Variants in ABCA6 observed in about 807,000 individuals in gnomAD.
The protein encoded by ABCA6 is ATP-binding cassette sub-family A member 6.
A neutral mutation model predicts 191.2 loss-of-function variants in ABCA6; 164 were observed. The observed-to-expected ratio is 0.86, with a 90% CI of 0.76 to 0.98. The LOEUF is 0.98. Ranked by LOEUF, ABCA6 falls within the 50% of genes least tolerant of loss-of-function variation. The pLI is 0.00. For missense variants in ABCA6, 1,958 were observed against 1,894.1 expected, an observed-to-expected ratio of 1.03 and a Z score of -0.63; for synonymous variants, 636 against 647.7, an observed-to-expected ratio of 0.98 and a Z score of 0.27.
chr17:69,120,272 T>C (rs1339988472), intron 10 of ABCA6, among the ~76,000 whole-genome samples: 1 of 152,044 alleles, frequency 6.6e-6, no homozygotes, highest in African/African-American at 2.4e-5. Context: ...ATGACAATAA[T>C]GTTTATATCT....
intron 2 of ABCA6, 133 bp downstream of exon 2, chr17:69,140,475 C>T (rs556338433): frequency 1.4e-5 from 6 of 440,560 alleles, no homozygotes; most frequent in African/African-American, 8.1e-5. Flanking sequence ...CTCAATTCAA[C>T]AAATACAACT....
At chr17:69,113,085 C>T (rs1331564884) in intron 15 of ABCA6, 137 bp downstream of exon 15, 9 of 976,496 alleles carry the variant, frequency 9.2e-6, no homozygotes, top group Non-Finnish European at 1.2e-5. Context: ...TGGAACTAGA[C>T]TCCTGTCGTC....
rs2073801491 is a variant in ABCA6 at position 69,128,696 on chromosome 17, A to G, written c.1042T>C (p.Tyr348His). The change falls in exon 8 of 39, where the codon TAT (tyrosine) becomes CAT (histidine). Residue 348 changes from tyrosine (Y) to histidine (H), a missense_variant. Physicochemically the swap from Tyr to His is moderately conservative, Grantham distance 83. Transcript: ENST00000284425. Reference protein sequence around the residue: ...FWGCLGFTVFYEQLPSSLEWI... With the variant: ...FWGCLGFTVFHEQLPSSLEWI... Reference sequence around the variant, plus strand: ...TCCAGAGATGAAGGAAGTTGTTCATAAAATACAGTGAATCCCAGACATCCC... The same window carrying G: ...TCCAGAGATGAAGGAAGTTGTTCATGAAATACAGTGAATCCCAGACATCCC... 1 of 1,613,378 alleles carries G rather than the reference A, an allele frequency of 6.2e-7. No homozygotes were observed.
chr17:69,117,560 G>A (rs971588655), intron 11 of ABCA6, among the ~76,000 whole-genome samples: 4 of 151,792 alleles, frequency 2.6e-5, no homozygotes, highest in South Asian at 2.1e-4. Context: ...TAAATTCACC[G>A]GCTAGTATAA....
chr17:69,120,419 C>G (rs1387392429), intron 10 of ABCA6, among the ~76,000 whole-genome samples: 2 of 151,992 alleles, frequency 1.3e-5, no homozygotes, highest in Admixed American at 1.3e-4. Context: ...GACTAAATAA[C>G]AGTAGTTAAT....
At chr17:69,083,051 G>A (rs2072681257) in intron 35 of ABCA6, 38 bp from the exon 36 acceptor site, 1 of 1,603,030 alleles carries the variant, frequency 6.2e-7, no homozygotes, top group Admixed American at 1.7e-5. Flanking sequence ...AAAAAATATT[G>A]CCCTTAATTT....
chr17:69,115,355 G>A (rs2073517286), intron 12 of ABCA6, 21 bp downstream of exon 12: 1 of 1,575,156 alleles, frequency 6.3e-7, no homozygotes, highest in African/African-American at 1.3e-5. Context: ...TCTTGCCTTT[G>A]AGAAATTTCT....
At chr17:69,118,242 C>T (rs1442201568) in intron 10 of ABCA6, among the ~76,000 whole-genome samples, 1 of 152,042 alleles carries the variant, frequency 6.6e-6, no homozygotes, top group African/African-American at 2.4e-5. Flanking sequence ...AGCTTTAGAA[C>T]AGTTGGTTCT....
At position 69,129,805 on chromosome 17, in the gene ABCA6, TAATA is replaced by T. The variant is rs2073830378; in HGVS notation, c.792-58_792-55del. The T allele has an allele frequency of 3.8e-6, 5 of 1,328,650 alleles. No homozygotes were observed. In the South Asian group the frequency reaches 5.5e-5, roughly 15 times the overall value. 82.3% of individuals were successfully genotyped at this position (1,328,650 alleles called of 1,614,324 possible). A position where few individuals can be genotyped will look rare whatever the true frequency, so the allele number is the denominator to read the frequency against. On this transcript the variant is annotated intron_variant, in intron 6 of 38. Transcript: ENST00000284425. ...TATGTTAACTTATTTACAAAATATT[TAATA>T]TATACAAAAGCATCTAAAGAACAAT...
In ABCA6 at chr17:69,097,954, G is replaced by C. The variant is rs748867042; in HGVS notation, c.3086C>G (p.Pro1029Arg). The change falls in exon 23 of 39, where the codon CCT becomes CGT. Residue 1029 changes from proline (P) to arginine (R), a missense_variant. Coordinates refer to ENST00000284425, the MANE Select transcript of ABCA6 (RefSeq NM_080284.3). ...ACTGATGCTGCCCATGGTGATATAA[G>C]GAGAAATGCTACATAGAACCAAAAA... ...FLFLVLCSIS[P>R]YITMGSISDY... The C allele has an allele frequency of 6.2e-7, 1 of 1,610,646 alleles. No individual in the cohort carries two copies. Among genetic ancestry groups the C allele is most frequent in the Non-Finnish European group, 8.5e-7 (1 of 1,178,734 alleles).
intron 25 of ABCA6, among the ~76,000 whole-genome samples, chr17:69,094,133 G>A (rs1228970723): frequency 1.3e-5 from 2 of 152,128 alleles, no homozygotes; most frequent in African/African-American, 4.8e-5. Flanking sequence ...TTTTATTTGT[G>A]ATAATTTTTT....
intron 22 of ABCA6, chr17:69,099,581 A>C (rs2073128197): frequency 6.5e-6 from 1 of 154,300 alleles, no homozygotes. Context: ...TAGCAGCATA[A>C]GCCTGTCTCA....
chr17:69,121,231 G>A (rs1380038179), intron 10 of ABCA6, among the ~76,000 whole-genome samples: 3 of 152,110 alleles, frequency 2.0e-5, no homozygotes, highest in Non-Finnish European at 2.9e-5. Context: ...TGATCACTGT[G>A]AAGAAAGAAG....
rs374521369 is a variant in ABCA6, at chr17:69,134,643, A to G, written c.560T>C (p.Ile187Thr). ...ACTTTTCAATCAAGCACTTACTTCT[A>G]TAATGGCAGTATTAATAGCTGTTTG... is the stretch of plus-strand genomic sequence containing the variant. ...ALQTAINTAIIEITTNHPVME... is the reference protein window; with the variant it reads ...ALQTAINTAITEITTNHPVME... The change falls in exon 5 of 39, where the codon ATA becomes ACA. Residue 187 changes from isoleucine to threonine, a missense_variant. By Grantham distance (89) the Ile-to-Thr change is moderately conservative. Coordinates refer to ENST00000284425, the MANE Select transcript of ABCA6 (RefSeq NM_080284.3). 5 of 1,608,988 alleles carry G rather than the reference A, an allele frequency of 3.1e-6. No individual in the cohort carries two copies. The highest frequency in any genetic ancestry group is 1.1e-5 in the South Asian group (1 of 90,336).
chr17:69,119,113 T>C (rs950602411), intron 10 of ABCA6, among the ~76,000 whole-genome samples: 2 of 152,040 alleles, frequency 1.3e-5, no homozygotes, highest in Non-Finnish European at 2.9e-5. Flanking sequence ...TGATCTGGGG[T>C]GATGAGTTTT....
At chr17:69,098,385 C>A (rs1386795305) in intron 22 of ABCA6, 2 of 171,662 alleles carry the variant, frequency 1.2e-5, no homozygotes, top group East Asian at 1.6e-4. Context: ...ACAATGGATA[C>A]TATTCAACCT....
chr17:69,104,780 C>T (rs1357286716), intron 20 of ABCA6: 6 of 150,892 alleles, frequency 4.0e-5, no homozygotes, highest in Admixed American at 4.0e-4. Context: ...CACAGCCTGG[C>T]CAACATGGCA....
intron 25 of ABCA6, among the ~76,000 whole-genome samples, chr17:69,091,912 C>T (rs1226080177): frequency 2.0e-5 from 3 of 152,110 alleles, no homozygotes; most frequent in Non-Finnish European, 4.4e-5. Flanking sequence ...AACAATATTG[C>T]TAATGAATAA....
chr17:69,096,705 G>T lies in ABCA6; in HGVS notation c.3217C>A (p.Leu1073Ile), dbSNP rs1009369014. ...LVDVSFFILI[L>I]LLMYLIFYIE... ...TAGAAAATTAAATACATTAAAAGGA[G>T]AATTAAAATGAAGAAGCTGACGTCC... The change falls in exon 24 of 39, where the codon CTC becomes ATC. Residue 1073 changes from leucine to isoleucine, a missense_variant. By Grantham distance (5) the Leu-to-Ile change is conservative. Transcript: ENST00000284425. 5.0e-6 allele frequency: 8 copies of T among 1,587,336 alleles called. No individual in the cohort carries two copies. In the African/African-American group the frequency reaches 8.2e-5, roughly 16 times the overall value.
Sources: allele counts gnomAD v4.1 joint callset (sites outside exome capture counted in the v4.1 genomes callset), GRCh38; gene constraint gnomAD v4.1.1; transcripts MANE v1.5; gene names NCBI Gene and HGNC (gene_info 2026-07-23, HGNC 2026-07-21).